ITGA9: variants seen among roughly 807,000 people sequenced by gnomAD.
The protein encoded by ITGA9 is integrin subunit alpha 9, also known as integrin alpha-9.
In ITGA9, 56 loss-of-function variants were observed where a neutral mutation model predicts 127.8. That is an observed-to-expected ratio of 0.44 (90% CI 0.35 to 0.55). ITGA9 has a LOEUF of 0.55. Ranked by LOEUF, ITGA9 falls within the 20% of genes least tolerant of loss-of-function variation. The pLI is 0.00. For synonymous variants in ITGA9, 508 were observed against 514.5 expected, an observed-to-expected ratio of 0.99 and a Z score of 0.17; for missense variants, 1,196 against 1,347.1, an observed-to-expected ratio of 0.89 and a Z score of 1.76.
In ITGA9 at chr3:37,512,114, TTCCTTC is replaced by T. The variant is rs1205450026; in HGVS notation, c.898-1647_898-1642del. ...CTTCCTTCCTTCCTTCCTTCCTTCC[TTCCTTC>T]TTTCTTTTCTTTTCTTTTCTTTTCT... On this transcript the variant is annotated intron_variant, in intron 8 of 27. Transcript: ENST00000264741. Among the ~76,000 whole-genome samples, 57 of 97,582 alleles carry T rather than the reference TTCCTTC, an allele frequency of 5.8e-4. 5 individuals carry two copies. Among genetic ancestry groups the T allele is most frequent in the African/African-American group, 2.1e-3 (49 of 23,256 alleles). The allele number at this position is 97,582 out of a possible 152,430, so 64.0% of individuals were successfully genotyped here. A position where few individuals can be genotyped will look rare whatever the true frequency, so the allele number is the denominator to read the frequency against.
intron 19 of ITGA9, among the ~76,000 whole-genome samples, chr3:37,735,682 C>A (rs1183117444): frequency 6.6e-6 from 1 of 152,184 alleles, no homozygotes; most frequent in Non-Finnish European, 1.5e-5. Context: ...CCCAAGGGTT[C>A]CTCCCACATT....
At chr3:37,592,648 C>A (rs746879925) in intron 15 of ITGA9, among the ~76,000 whole-genome samples, 1 of 152,032 alleles carries the variant, frequency 6.6e-6, no homozygotes, top group Non-Finnish European at 1.5e-5. Flanking sequence ...TGGGAAACGG[C>A]GAGGTCAAGT....
intron 5 of ITGA9, among the ~76,000 whole-genome samples, 186 bp from the exon 6 acceptor site, chr3:37,502,992 C>A (rs1198039108): frequency 2.0e-5 from 3 of 152,166 alleles, no homozygotes; most frequent in Non-Finnish European, 2.9e-5. Context: ...TCCTGATAAT[C>A]CCGTCTGTAT....
At chr3:37,672,262 T>A (rs959564215) in intron 17 of ITGA9, among the ~76,000 whole-genome samples, 2 of 152,136 alleles carry the variant, frequency 1.3e-5, no homozygotes, top group African/African-American at 4.8e-5. Context: ...AATTCCCACA[T>A]GTTGTGGCAG....
chr3:37,696,131 C>T (rs963500125), intron 18 of ITGA9, among the ~76,000 whole-genome samples: 2 of 152,188 alleles, frequency 1.3e-5, no homozygotes, highest in Non-Finnish European at 2.9e-5. Context: ...AGCACCATGC[C>T]ACAAGGTGGG....
At chr3:37,468,896 C>T (rs944703015) in intron 1 of ITGA9, among the ~76,000 whole-genome samples, 1 of 152,194 alleles carries the variant, frequency 6.6e-6, no homozygotes, top group Non-Finnish European at 1.5e-5. Flanking sequence ...AGTGGCTTGG[C>T]ATTTTCTACT....
intron 16 of ITGA9, among the ~76,000 whole-genome samples, chr3:37,643,798 G>A (rs1339714873): frequency 6.6e-6 from 1 of 152,100 alleles, no homozygotes; most frequent in Non-Finnish European, 1.5e-5. Context: ...CTTATTTAGG[G>A]GATGTTCTTG....
chr3:37,689,297 T>A (rs577099924), intron 18 of ITGA9, among the ~76,000 whole-genome samples: 13 of 152,244 alleles, frequency 8.5e-5, no homozygotes, highest in Non-Finnish European at 1.6e-4. Context: ...GGAAGGCTGC[T>A]TATAAAAACA....
chr3:37,686,088 T>C lies in ITGA9; in HGVS notation c.2067+2073T>C, dbSNP rs184899848. Among the ~76,000 whole-genome samples the C allele has an allele frequency of 8.5e-5, 13 of 152,350 alleles. No homozygotes were observed. The East Asian group carries it at 2.3e-3, about 27-fold the overall frequency. On this transcript the variant is annotated intron_variant, in intron 18 of 27. Transcript: ENST00000264741. ...GGAGATTAGTACCAGTAAATGATCA[T>C]ATCCTTAGCTCTATAACTTTTCAGA... is the stretch of plus-strand genomic sequence containing the variant.
chr3:37,595,369 G>A (rs1012356433), intron 15 of ITGA9, among the ~76,000 whole-genome samples: 3 of 152,196 alleles, frequency 2.0e-5, no homozygotes, highest in Non-Finnish European at 4.4e-5. Context: ...AGTGCAGATG[G>A]CAGGGGATTC....
At position 37,629,556 on chromosome 3, in the gene ITGA9, A is replaced by G. The variant is rs961825436; in HGVS notation, c.1839+220A>G. 1.3e-5 allele frequency: 8 copies of G among 638,468 alleles called. No individual in the cohort carries two copies. The highest frequency in any genetic ancestry group is 3.6e-5 in the South Asian group (2 of 55,182). The allele number at this position is 638,468 out of a possible 1,614,324, so 39.6% of individuals were successfully genotyped here. On this transcript the variant is annotated intron_variant, in intron 16 of 27. Transcript: ENST00000264741. The surrounding 1 kb of genome is among the most constrained non-coding windows in gnomAD (Gnocchi z 4.5). ...TGTGGGACTTAAACACTTTCAGACA[A>G]TTCTCAGGCTGTTAGAAGTTACAAT...
intron 3 of ITGA9, among the ~76,000 whole-genome samples, chr3:37,475,604 T>C (rs1299047108): frequency 1.3e-5 from 2 of 152,252 alleles, no homozygotes; most frequent in Non-Finnish European, 2.9e-5. Context: ...GACTATTTTT[T>C]TAATGTTTTA....
rs1273964546 is a variant in ITGA9, at chr3:37,519,359, T to C, written c.1236+5T>C. ...ATAGTCCCTCAGTACTCAATGGTAA[T>C]TAGTGTGAGAGTGATATGGCAACTG... is the stretch of plus-strand genomic sequence containing the variant. On this transcript the variant is annotated splice_donor_5th_base_variant and intron_variant, in intron 11 of 27. Transcript: ENST00000264741. 4.4e-6 allele frequency: 7 copies of C among 1,605,616 alleles called. No homozygotes were observed. The African/African-American group carries it at 9.4e-5, about 21-fold the overall frequency.
rs146867977 is a variant in ITGA9 at position 37,542,457 on chromosome 3, A to G, written c.1561A>G (p.Lys521Glu). The stretch of plus-strand genomic sequence containing the variant: ...TTATGTTCTGATGGCTGACGTGGCC[A>G]AAAAGGAGAAGGGCCAGATGCCCAG... ...LNYVLMADVA[K>E]KEKGQMPRVY... The change falls in exon 15 of 28, where the codon AAA becomes GAA. Residue 521 changes from lysine (K) to glutamate (E), a missense_variant. Physicochemically the swap from Lys to Glu is moderately conservative, Grantham distance 56. Coordinates refer to ENST00000264741, the MANE Select transcript of ITGA9 (RefSeq NM_002207.3). 1.3e-5 allele frequency: 21 copies of G among 1,613,812 alleles called. No homozygotes were observed. In the African/African-American group the frequency reaches 2.7e-4, roughly 21 times the overall value.
At chr3:37,675,751 T>TC (rs1240870082) in intron 17 of ITGA9, among the ~76,000 whole-genome samples, 1 of 150,762 alleles carries the variant, frequency 6.6e-6, no homozygotes, top group Non-Finnish European at 1.5e-5. Flanking sequence ...TACTTTTTTT[T>TC]TTTTTTTTTT....
At position 37,653,653 on chromosome 3, in the gene ITGA9, C is replaced by T. The variant is rs565227235; in HGVS notation, c.1840-61C>T. 6 of 1,171,668 alleles carry T rather than the reference C, an allele frequency of 5.1e-6. No homozygotes were observed. The East Asian group carries it at 1.4e-4, about 27-fold the overall frequency. 72.6% of individuals were successfully genotyped at this position (1,171,668 alleles called of 1,614,324 possible). A position where few individuals can be genotyped will look rare whatever the true frequency, so the allele number is the denominator to read the frequency against. ...ACTGATTTGCAAGAAAGGAATTGGC[C>T]ACTGTGTACTCGTTTGCCACTCAAT... On this transcript the variant is annotated intron_variant, in intron 16 of 27. Transcript: ENST00000264741.
chr3:37,741,663 C>T (rs1696436484), intron 20 of ITGA9, 67 bp from the exon 21 acceptor site: 1 of 1,237,746 alleles, frequency 8.1e-7, no homozygotes, highest in Non-Finnish European at 1.2e-6. Context: ...TAAAGTGGAA[C>T]AGAGAAAGCC....
chr3:37,589,149 T>C (rs1699788330), intron 15 of ITGA9, among the ~76,000 whole-genome samples: 1 of 152,184 alleles, frequency 6.6e-6, no homozygotes, highest in African/African-American at 2.4e-5. Context: ...AGGTGGAAGA[T>C]GAGATGTTTG....
At position 37,650,064 on chromosome 3, in the gene ITGA9, C is replaced by T. The variant is rs541056194; in HGVS notation, c.1840-3650C>T. ...AGGTTTTCACTGTCATGGTGACTCA[C>T]GTAGCCTGCAAGTTGATGTGGCAGT... On this transcript the variant is annotated intron_variant, in intron 16 of 27. Transcript: ENST00000264741. Among the ~76,000 whole-genome samples the T allele has an allele frequency of 6.6e-5, 10 of 152,294 alleles. No homozygotes were observed. The East Asian group carries it at 1.2e-3, about 18-fold the overall frequency.
Sources: gnomAD v4.1 joint callset for allele counts (sites outside exome capture counted in the v4.1 genomes callset) on GRCh38, gnomAD v4.1.1 for gene constraint, Gnocchi (gnomAD v3.1) non-coding constraint, MANE v1.5 for transcripts, NCBI Gene and HGNC (gene_info 2026-07-23, HGNC 2026-07-21) for gene names.